IKZF4: variants seen among roughly 807,000 people sequenced by gnomAD.
The protein encoded by IKZF4 is IKAROS family zinc finger 4, also known as zinc finger protein Eos.
A neutral mutation model predicts 47.7 loss-of-function variants in IKZF4; 11 were observed. That is an observed-to-expected ratio of 0.23 (90% CI 0.15 to 0.38). The LOEUF (loss-of-function observed/expected upper bound fraction) is 0.38. Ranked by LOEUF, IKZF4 falls within the 10% of genes least tolerant of loss-of-function variation. The pLI is 1.00. For missense variants in IKZF4, 557 were observed against 784.9 expected (o/e 0.71, Z 3.47); for synonymous variants, 298 against 299.4 (o/e 1.00, Z 0.05).
In IKZF4 at chr12:56,036,628, T is replaced by A. The variant is rs1439706804; in HGVS notation, c.*1297T>A. ...TGCCCTTCACCCCATTCCACCCTTG[T>A]TCCAGCAAGACTGGGATGGGTACAA... On this transcript the variant is annotated 3_prime_UTR_variant, in exon 8 of 8. Coordinates refer to ENST00000547167, the MANE Select transcript of IKZF4 (RefSeq NM_022465.4). 6.6e-6 allele frequency: 1 copy of A among 152,212 alleles called. No individual in the cohort carries two copies. The highest frequency in any genetic ancestry group is 2.4e-5 in the African/African-American group (1 of 41,448). 9.4% of individuals were successfully genotyped at this position (152,212 alleles called of 1,614,324 possible).
At chr12:56,014,155 CAAA>C (rs1303427048) in intron 2 of IKZF4, among the ~76,000 whole-genome samples, 2 of 80,900 alleles carry the variant, frequency 2.5e-5, no homozygotes, top group Non-Finnish European at 5.4e-5. Flanking sequence ...GACTCCGTCT[CAAA>C]AAAAAAAAAA....
Position 56,021,317 on chromosome 12 carries a change from C to CACAT in IKZF4, c.-177_-176insACAT. 3 of 1,525,016 alleles carry CACAT rather than the reference C, an allele frequency of 2.0e-6. No individual in the cohort carries two copies. The highest frequency in any genetic ancestry group is 2.6e-6 in the Non-Finnish European group (3 of 1,140,466). 94.5% of individuals were successfully genotyped at this position (1,525,016 alleles called of 1,614,324 possible). On this transcript the variant is annotated 5_prime_UTR_variant, in exon 1 of 8. Coordinates refer to ENST00000547167, the MANE Select transcript of IKZF4 (RefSeq NM_022465.4). ...TCTCACACACACACACACACACACA[C>CACAT]TCAACACACATACACCCTGGGCTGA...
At chr12:56,021,654 A>G (rs2136625317) in intron 1 of IKZF4, 74 bp downstream of exon 1, 1 of 1,531,116 alleles carries the variant, frequency 6.5e-7, no homozygotes. Context: ...TTCAGTAACT[A>G]CTCCCAAGCC....
Position 56,021,229 on chromosome 12 carries a change from C to T in IKZF4, c.-265C>T, listed in dbSNP as rs1892863967. ...ATACACATATACATTCTCTCCAGCC[C>T]CCTCCCCAAGCACATCCAAGCGTGC... On this transcript the variant is annotated 5_prime_UTR_variant, in exon 1 of 8. Coordinates refer to ENST00000547167, the MANE Select transcript of IKZF4 (RefSeq NM_022465.4). 2 of 1,453,456 alleles carry T rather than the reference C, an allele frequency of 1.4e-6. No individual in the cohort carries two copies. Among genetic ancestry groups the T allele is most frequent in the African/African-American group, 2.8e-5 (2 of 70,286 alleles). The allele number at this position is 1,453,456 out of a possible 1,614,324, so 90.0% of individuals were successfully genotyped here. A position where few individuals can be genotyped will look rare whatever the true frequency, so the allele number is the denominator to read the frequency against.
intron 5 of IKZF4, among the ~76,000 whole-genome samples, chr12:56,028,591 T>C (rs1330578103): frequency 6.6e-6 from 1 of 151,738 alleles, no homozygotes; most frequent in African/African-American, 2.4e-5. Flanking sequence ...TGTTTGTTTT[T>C]TGTTTTTTCA....
chr12:56,020,658 C>A (rs750157869), upstream of IKZF4, among the ~76,000 whole-genome samples: 1 of 152,190 alleles, frequency 6.6e-6, no homozygotes, highest in Admixed American at 6.5e-5. Context: ...CCAGGGCTTT[C>A]GGCTGCTGGG....
At chr12:56,014,683 G>T (rs1183138254) in intron 2 of IKZF4, among the ~76,000 whole-genome samples, 1 of 152,056 alleles carries the variant, frequency 6.6e-6, no homozygotes, top group African/African-American at 2.4e-5. Flanking sequence ...AGTAGTCCTG[G>T]CTACTCAGAA....
At chr12:56,021,716 G>A (rs1893029393) in intron 1 of IKZF4, 136 bp downstream of exon 1, 1 of 1,228,926 alleles carries the variant, frequency 8.1e-7, no homozygotes, top group Non-Finnish European at 1.1e-6. Flanking sequence ...GTGTGTGTGT[G>A]TGTGTGTGTG....
In IKZF4 at chr12:56,034,969, C is replaced by T. The variant is rs748239833; in HGVS notation, c.1396C>T (p.Arg466Trp). The stretch of plus-strand genomic sequence containing the variant: ...AGACACAGAAAGCAACCACGAAGAT[C>T]GGGTTGCGGGGGTGGTATCCCTCCC... The part of the protein sequence containing the change: ...STDTESNHED[R>W]VAGVVSLPQG... Residue 466 changes from arginine to tryptophan, a missense_variant, in exon 8 of 8, where the codon CGG becomes TGG. This residue lies in a region of IKZF4 where 280 missense variants were observed against 314.0 expected (regional missense o/e 0.89). Coordinates refer to ENST00000547167, the MANE Select transcript of IKZF4 (RefSeq NM_022465.4). 2.6e-6 allele frequency: 4 copies of T among 1,561,296 alleles called. No homozygotes were observed. Among genetic ancestry groups the T allele is most frequent in the Non-Finnish European group, 3.5e-6 (4 of 1,151,516 alleles).
At position 56,033,173 on chromosome 12, in the gene IKZF4, C is replaced by T. The variant is rs777325877; in HGVS notation, c.866-17C>T. On this transcript the variant is annotated splice_polypyrimidine_tract_variant and intron_variant, in intron 6 of 7. Transcript: ENST00000547167. ...CCTACTCAACTGCTACTACTGTCTC[C>T]ACCTTCTTCCCACTAGGTGACGAAA... 13 of 1,613,298 alleles carry T rather than the reference C, an allele frequency of 8.1e-6. No homozygotes were observed. Among genetic ancestry groups the T allele is most frequent in the Admixed American group, 6.7e-5 (4 of 59,996 alleles).
intron 6 of IKZF4, 35 bp downstream of exon 6, chr12:56,032,745 G>T (rs1895082606): frequency 6.2e-7 from 1 of 1,612,482 alleles, no homozygotes; most frequent in African/African-American, 1.3e-5. Context: ...GGAGTTAAAA[G>T]GGGATGGTGA....
chr12:56,034,815 G>C lies in IKZF4; in HGVS notation c.1242G>C (p.Glu414Asp). ...TGCAGCCCCTCCCTGGTCGACTGGAGCTTCCAGGATCCCGAGAAGCAGGTG... is the reference window on the plus strand; with the variant it reads ...TGCAGCCCCTCCCTGGTCGACTGGACCTTCCAGGATCCCGAGAAGCAGGTG... ...TQMQPLPGRL[E>D]LPGSREAGEG... is the part of the protein sequence containing the mutation. Residue 414 changes from glutamate to aspartate, a missense_variant, in exon 8 of 8, where the codon GAG (glutamate) becomes GAC (aspartate). Glu to Asp is a conservative substitution (Grantham distance 45). This residue lies in a region of IKZF4 where 280 missense variants were observed against 314.0 expected (regional missense o/e 0.89). Transcript: ENST00000547167. The C allele has an allele frequency of 6.2e-7, 1 of 1,614,030 alleles. No homozygotes were observed. The highest frequency in any genetic ancestry group is 1.1e-5 in the South Asian group (1 of 91,086).
chr12:56,023,885 T>C, intron 2 of IKZF4, 121 bp downstream of exon 2: 1 of 1,506,810 alleles, frequency 6.6e-7, no homozygotes, highest in East Asian at 2.5e-5. Context: ...CTCTTCCATA[T>C]TTAGGCCTGT....
At chr12:56,032,829 T>G in intron 6 of IKZF4, 119 bp downstream of exon 6, 1 of 1,196,612 alleles carries the variant, frequency 8.4e-7, no homozygotes, top group Non-Finnish European at 1.2e-6. Context: ...AGGGGATGAT[T>G]ACCCCAGTAA....
In IKZF4 at chr12:56,036,677, A is replaced by C. The variant is rs1895658910; in HGVS notation, c.*1346A>C. On this transcript the variant is annotated 3_prime_UTR_variant, in exon 8 of 8. Coordinates refer to ENST00000547167, the MANE Select transcript of IKZF4 (RefSeq NM_022465.4). ...AACTGAACTGGGGTCTTCCTTTACT[A>C]CCCCCTTCTACACTCAGCTCCCAGA... The C allele has an allele frequency of 6.6e-6, 1 of 151,514 alleles. No homozygotes were observed. The highest frequency in any genetic ancestry group is 2.4e-5 in the African/African-American group (1 of 41,172). 9.4% of individuals were successfully genotyped at this position (151,514 alleles called of 1,614,324 possible). A position where few individuals can be genotyped will look rare whatever the true frequency, so the allele number is the denominator to read the frequency against.
Position 56,033,175 on chromosome 12 carries a change from CCTT to C in IKZF4, c.866-10_866-8del. 3 of 1,613,526 alleles carry C rather than the reference CCTT, an allele frequency of 1.9e-6. No individual in the cohort carries two copies. The Middle Eastern group carries it at 5.0e-4, about 266-fold the overall frequency. On this transcript the variant is annotated splice_polypyrimidine_tract_variant and intron_variant, in intron 6 of 7. Coordinates refer to ENST00000547167, the MANE Select transcript of IKZF4 (RefSeq NM_022465.4). The stretch of plus-strand genomic sequence containing the variant: ...TACTCAACTGCTACTACTGTCTCCA[CCTT>C]CTTCCCACTAGGTGACGAAATACGT...
chr12:56,032,621 A>T lies in IKZF4; in HGVS notation c.776A>T (p.Gln259Leu), dbSNP rs754839719. 1.2e-6 allele frequency: 2 copies of T among 1,614,038 alleles called. No individual in the cohort carries two copies. The highest frequency in any genetic ancestry group is 1.1e-5 in the South Asian group (1 of 91,088). Residue 259 changes from glutamine (Q) to leucine (L), a missense_variant, in exon 6 of 8, where the codon CAG (glutamine) becomes CTG (leucine). By Grantham distance (113) the Gln-to-Leu change is moderately radical. Around this residue, in one of 6 missense-constraint regions of IKZF4, gnomAD observed 72 missense variants for 112.4 expected, o/e 0.64. Coordinates refer to ENST00000547167, the MANE Select transcript of IKZF4 (RefSeq NM_022465.4). ...AACTACTGTGGCCGGAGCTACAAAC[A>T]GCAGAGTACCCTGGAGGAGCACAAG... ...KCNYCGRSYKQQSTLEEHKER... is the reference protein window; with the variant it reads ...KCNYCGRSYKLQSTLEEHKER...
chr12:56,031,982 C>T (rs1894982271), intron 5 of IKZF4, among the ~76,000 whole-genome samples: 1 of 152,166 alleles, frequency 6.6e-6, no homozygotes, highest in African/African-American at 2.4e-5. Flanking sequence ...ATCAGTAAAC[C>T]AGGCTAGGGC....
At chr12:56,026,696 A>G (rs1428307731) in intron 3 of IKZF4, 85 bp from the exon 4 acceptor site, 10 of 1,313,982 alleles carry the variant, frequency 7.6e-6, no homozygotes, top group Non-Finnish European at 5.9e-6. Context: ...TCTCAAAAAA[A>G]AAAAAAAAAA....
Sources: gnomAD v4.1 joint callset for allele counts (sites outside exome capture counted in the v4.1 genomes callset) on GRCh38, gnomAD v4.1.1 for gene constraint, gnomAD v4.1.1 regional missense constraint, MANE v1.5 for transcripts, NCBI Gene and HGNC (gene_info 2026-07-23, HGNC 2026-07-21) for gene names.